Variants in MECOM observed in about 807,000 individuals in gnomAD.
MECOM encodes MDS1 and EVI1 complex locus.
Under a neutral mutation model 116.3 loss-of-function variants are expected in MECOM, and 13 were observed. The ratio of observed to expected loss-of-function variants is 0.11; its 90% confidence interval spans 0.07 to 0.18. The LOEUF (loss-of-function observed/expected upper bound fraction) is 0.18. Ranked by LOEUF, MECOM falls within the 10% of genes least tolerant of loss-of-function variation. The pLI is 1.00. For missense variants in MECOM, 1,299 were observed against 1,509.0 expected (o/e 0.86, Z 2.31); for synonymous variants, 528 against 535.2 (o/e 0.99, Z 0.19).
At chr3:169,128,496 T>C (rs1733638134) in intron 4 of MECOM, among the ~76,000 whole-genome samples, 1 of 152,162 alleles carries the variant, frequency 6.6e-6, no homozygotes, top group African/African-American at 2.4e-5. Context: ...TCAGGGAGTA[T>C]AGAGCTATGT....
chr3:169,085,124 GA>G lies in MECOM; in HGVS notation c.3586-82del, dbSNP rs1717239091. On this transcript the variant is annotated intron_variant, in intron 16 of 16. Coordinates refer to ENST00000651503, the MANE Select transcript of MECOM (RefSeq NM_004991.4). ...GTTCAAAGAATATTGTTGGTAAATG[GA>G]AAGGGATGGGACCCTGAGTAGGGGC... 3.2e-6 allele frequency: 5 copies of G among 1,556,506 alleles called. No homozygotes were observed. The South Asian group carries it at 5.8e-5, about 18-fold the overall frequency.
intron 1 of MECOM, among the ~76,000 whole-genome samples, chr3:169,517,283 A>C (rs978228200): frequency 1.1e-4 from 17 of 152,184 alleles, no homozygotes; most frequent in African/African-American, 2.9e-4. Context: ...AATCTTGCCT[A>C]GCTGTTAGAT....
intron 2 of MECOM, among the ~76,000 whole-genome samples, chr3:169,304,724 GA>G (rs767372065): frequency 5.3e-5 from 8 of 152,132 alleles, no homozygotes; most frequent in Non-Finnish European, 1.2e-4. Flanking sequence ...AAATAATTAA[GA>G]AAGCCTTTCA....
At chr3:169,190,440 T>C (rs2149419721) in intron 2 of MECOM, among the ~76,000 whole-genome samples, 1 of 152,180 alleles carries the variant, frequency 6.6e-6, no homozygotes, top group South Asian at 2.1e-4. Context: ...GGAAACTCAG[T>C]GCCACTCTTG....
rs147848672 is a variant in MECOM, at chr3:169,202,992, C to T, written c.376-59160G>A. On this transcript the variant is annotated intron_variant, in intron 2 of 16. Coordinates refer to ENST00000651503, the MANE Select transcript of MECOM (RefSeq NM_004991.4). ...GTTCTAAAATAGCAAACCAAAAAAGCCCTGGAATCAACATAGCCATCATCC... is the reference window on the plus strand; with the variant it reads ...GTTCTAAAATAGCAAACCAAAAAAGTCCTGGAATCAACATAGCCATCATCC... 2.9e-3 allele frequency among the ~76,000 whole-genome samples: 443 copies of T among 152,072 alleles called. 2 individuals are homozygous for T. Among genetic ancestry groups the T allele is most frequent in the African/African-American group, 0.01 (421 of 41,486 alleles).
chr3:169,221,972 T>C (rs1752193354), intron 2 of MECOM, among the ~76,000 whole-genome samples: 1 of 152,080 alleles, frequency 6.6e-6, no homozygotes, highest in Non-Finnish European at 1.5e-5. Context: ...TTTCTGATAT[T>C]CTAGTCTTAC....
chr3:169,291,136 T>C (rs191098173), intron 2 of MECOM, among the ~76,000 whole-genome samples: 1 of 152,286 alleles, frequency 6.6e-6, no homozygotes, highest in South Asian at 2.1e-4. Context: ...CATTTCATAT[T>C]ATTCAAACTT....
At chr3:169,387,429 G>C (rs574061921) in intron 1 of MECOM, among the ~76,000 whole-genome samples, 1 of 152,270 alleles carries the variant, frequency 6.6e-6, no homozygotes, top group African/African-American at 2.4e-5. Flanking sequence ...TTTCCGCCTA[G>C]TTTAACTGCA....
intron 1 of MECOM, among the ~76,000 whole-genome samples, chr3:169,451,320 C>A: frequency 6.6e-6 from 1 of 150,760 alleles, no homozygotes; most frequent in East Asian, 1.9e-4. Context: ...AAAAAGTATT[C>A]TGTAAAGAAA....
chr3:169,632,650 C>G (rs1315788686), intron 1 of MECOM, among the ~76,000 whole-genome samples: 2 of 152,112 alleles, frequency 1.3e-5, no homozygotes, highest in Non-Finnish European at 2.9e-5. Context: ...GTAGATTGGC[C>G]AGAGTCACTT....
intron 2 of MECOM, among the ~76,000 whole-genome samples, chr3:169,312,049 G>A (rs1428078335): frequency 6.6e-6 from 1 of 152,206 alleles, no homozygotes; most frequent in Non-Finnish European, 1.5e-5. Flanking sequence ...GGGGCTTTGT[G>A]AGCACGGTAG....
At chr3:169,285,201 G>A (rs1713026403) in intron 2 of MECOM, among the ~76,000 whole-genome samples, 1 of 152,184 alleles carries the variant, frequency 6.6e-6, no homozygotes, top group African/African-American at 2.4e-5. Context: ...TTGTAGAGCC[G>A]TGTCTGTGCC....
At chr3:169,620,970 G>A (rs1770643008) in intron 1 of MECOM, among the ~76,000 whole-genome samples, 1 of 152,156 alleles carries the variant, frequency 6.6e-6, no homozygotes, top group Non-Finnish European at 1.5e-5. Context: ...TAGATTCAAA[G>A]AGCTCTGCGG....
chr3:169,283,557 T>A (rs1712623669), intron 2 of MECOM, among the ~76,000 whole-genome samples: 1 of 152,192 alleles, frequency 6.6e-6, no homozygotes, highest in African/African-American at 2.4e-5. Context: ...CAGCTCACTT[T>A]CATTTGTGAA....
At chr3:169,499,997 C>T (rs952592453) in intron 1 of MECOM, among the ~76,000 whole-genome samples, 1 of 152,014 alleles carries the variant, frequency 6.6e-6, no homozygotes, top group African/African-American at 2.4e-5. Context: ...ACAGATCTTG[C>T]TTTATAGTCA....
chr3:169,103,118 C>T (rs1198119835), intron 10 of MECOM, among the ~76,000 whole-genome samples: 1 of 150,694 alleles, frequency 6.6e-6, no homozygotes, highest in Non-Finnish European at 1.5e-5. Flanking sequence ...TTAAAGTTGG[C>T]TTGATCCCTG....
chr3:169,428,037 T>C (rs1450903730), intron 1 of MECOM, among the ~76,000 whole-genome samples: 1 of 152,104 alleles, frequency 6.6e-6, no homozygotes, highest in African/African-American at 2.4e-5. Context: ...GAAAAGGCCA[T>C]GTCCTGGTGG....
At chr3:169,258,866 C>G (rs1283275493) in intron 2 of MECOM, among the ~76,000 whole-genome samples, 4 of 152,150 alleles carry the variant, frequency 2.6e-5, no homozygotes, top group African/African-American at 9.7e-5. Flanking sequence ...GTTAAAAGTG[C>G]CTTCACATTG....
At chr3:169,104,900 T>C (rs551173545) in intron 10 of MECOM, among the ~76,000 whole-genome samples, 5 of 152,270 alleles carry the variant, frequency 3.3e-5, no homozygotes, top group African/African-American at 1.2e-4. Context: ...CAAGAAAATA[T>C]ATTATGGGCT....
Sources: allele counts gnomAD v4.1 joint callset (sites outside exome capture counted in the v4.1 genomes callset), GRCh38; gene constraint gnomAD v4.1.1; transcripts MANE v1.5; gene names NCBI Gene and HGNC (gene_info 2026-07-23, HGNC 2026-07-21).